MYBPHL: variants seen among roughly 807,000 people sequenced by gnomAD.
MYBPHL encodes myosin binding protein H like, also known as myosin-binding protein H-like.
A neutral mutation model predicts 39.5 loss-of-function variants in MYBPHL; 32 were observed. The observed-to-expected ratio is 0.81, with a 90% CI of 0.61 to 1.09. The LOEUF (loss-of-function observed/expected upper bound fraction) is 1.09, where lower values mean the gene tolerates loss of function less well. MYBPHL is among the 50% of genes least tolerant of loss of function. MYBPHL has a pLI of 0.00. For missense variants in MYBPHL, 456 were observed against 460.2 expected, an observed-to-expected ratio of 0.99 and a Z score of 0.08; for synonymous variants, 196 against 183.7, an observed-to-expected ratio of 1.07 and a Z score of -0.54.
chr1:109,296,584 G>A (rs571597899), intron 5 of MYBPHL, among the ~76,000 whole-genome samples, 199 bp downstream of exon 5: 5 of 152,058 alleles, frequency 3.3e-5, no homozygotes, highest in South Asian at 2.1e-4. Context: ...GAGTACAGGC[G>A]TGCACCACCA....
chr1:109,301,747 G>GA (rs57771400), intron 1 of MYBPHL, among the ~76,000 whole-genome samples: 58 of 138,466 alleles, frequency 4.2e-4, no homozygotes, highest in South Asian at 2.9e-3. Flanking sequence ...ATCTCAAAAA[G>GA]AAAAAAAAAA....
intron 8 of MYBPHL, 130 bp from the exon 9 acceptor site, chr1:109,292,718 T>C (rs573606059): frequency 1.3e-5 from 2 of 152,384 alleles, no homozygotes; most frequent in South Asian, 2.1e-4. Context: ...TCTGTACTTG[T>C]AACGCACCCC....
chr1:109,299,821 T>TG (rs1249121842), intron 1 of MYBPHL, among the ~76,000 whole-genome samples: 3 of 152,170 alleles, frequency 2.0e-5, no homozygotes, highest in African/African-American at 7.2e-5. Flanking sequence ...GACCCTGCTG[T>TG]GGCTGCCCTC....
At chr1:109,305,288 C>T (rs1227066874) in intron 1 of MYBPHL, among the ~76,000 whole-genome samples, 5 of 152,170 alleles carry the variant, frequency 3.3e-5, no homozygotes, top group Non-Finnish European at 5.9e-5. Flanking sequence ...TTCTTTGTTC[C>T]AAGTAGTTAA....
At position 109,297,630 on chromosome 1, in the gene MYBPHL, G is replaced by A. The variant is rs1272090488; in HGVS notation, c.235-13C>T. The A allele has an allele frequency of 1.2e-6, 2 of 1,609,798 alleles. No homozygotes were observed. The highest frequency in any genetic ancestry group is 1.7e-6 in the Non-Finnish European group (2 of 1,177,902). On this transcript the variant is annotated splice_polypyrimidine_tract_variant and intron_variant, in intron 2 of 8. Transcript: ENST00000357155. ...GTTTGGGCTTGCCCTGAGGAATGAG[G>A]GTAATGCTTTGAGCAGCCCCGAGAG...
chr1:109,304,370 A>G (rs544286872), intron 1 of MYBPHL, among the ~76,000 whole-genome samples: 10 of 152,232 alleles, frequency 6.6e-5, no homozygotes, highest in Admixed American at 4.6e-4. Flanking sequence ...TGCCTGGAAG[A>G]CACAGAACAG....
Position 109,296,951 on chromosome 1 carries a change from C to A in MYBPHL, c.571-9G>T, listed in dbSNP as rs934187788. ...AGCACCGTGAACCACAGCTGCGGGG[C>A]CGAACATGATGCCAGAAATCAGCCA... On this transcript the variant is annotated splice_polypyrimidine_tract_variant and intron_variant, in intron 4 of 8. Coordinates refer to ENST00000357155, the MANE Select transcript of MYBPHL (RefSeq NM_001010985.3). 1.9e-6 allele frequency: 3 copies of A among 1,614,036 alleles called. No individual in the cohort carries two copies. Among genetic ancestry groups the A allele is most frequent in the Admixed American group, 1.7e-5 (1 of 60,012 alleles).
rs867330538 is a variant in MYBPHL, at chr1:109,295,520, C to A, written c.868-223G>T. ...AGCACCTGAAACTTCATTTTCTTTA[C>A]CAATATTTCTGACTGGAAGAAAACT... On this transcript the variant is annotated intron_variant, in intron 6 of 8. Transcript: ENST00000357155. Among the ~76,000 whole-genome samples the A allele has an allele frequency of 2.0e-5, 3 of 152,188 alleles. No homozygotes were observed. The East Asian group carries it at 5.8e-4, about 29-fold the overall frequency.
rs112896828 is a variant in MYBPHL at position 109,301,305 on chromosome 1, T to C, written c.146-3048A>G. On this transcript the variant is annotated intron_variant, in intron 1 of 8. Transcript: ENST00000357155. ...GAGCAGGTCTGTGAGAGTCACAGTT[T>C]GGTTTTCTCCCTTCATGGGGTCTTA... Among the ~76,000 whole-genome samples, 769 of 152,332 alleles carry C rather than the reference T, an allele frequency of 5.0e-3. 10 individuals are homozygous for C. The highest frequency in any genetic ancestry group is 0.018 in the African/African-American group (739 of 41,582).
chr1:109,294,698 A>T (rs915144889), intron 7 of MYBPHL, among the ~76,000 whole-genome samples: 1 of 152,214 alleles, frequency 6.6e-6, no homozygotes, highest in Middle Eastern at 3.2e-3. Context: ...AGTGAAATAA[A>T]GCCTGACAAA....
intron 6 of MYBPHL, among the ~76,000 whole-genome samples, chr1:109,295,560 C>T (rs1057484227): frequency 3.3e-5 from 5 of 152,200 alleles, no homozygotes; most frequent in African/African-American, 7.2e-5. Flanking sequence ...ACTTCCGTTC[C>T]GGGCTCTCAG....
intron 6 of MYBPHL, 37 bp from the exon 7 acceptor site, chr1:109,295,334 C>T (rs765469856): frequency 2.0e-5 from 31 of 1,587,094 alleles, no homozygotes; most frequent in East Asian, 4.5e-5. Flanking sequence ...CAAGGAGGGG[C>T]GAGGGTAAGA....
chr1:109,293,142 T>TCA (rs2101462586), intron 8 of MYBPHL: 1 of 152,224 alleles, frequency 6.6e-6, no homozygotes, highest in South Asian at 2.1e-4. Context: ...TCCTGAGGCG[T>TCA]TTACTCAGTC....
chr1:109,306,264 C>T (rs919019588), intron 1 of MYBPHL, among the ~76,000 whole-genome samples: 11 of 152,274 alleles, frequency 7.2e-5, no homozygotes, highest in African/African-American at 2.6e-4. Flanking sequence ...CAGAGACCAT[C>T]GTGAAGGGGA....
chr1:109,303,731 A>G (rs893170175), intron 1 of MYBPHL, among the ~76,000 whole-genome samples: 2 of 152,036 alleles, frequency 1.3e-5, no homozygotes, highest in African/African-American at 4.8e-5. Flanking sequence ...TAAAATCTAC[A>G]CTTGGTCCTG....
In MYBPHL at chr1:109,297,749, T is replaced by C. The variant is rs892985669; in HGVS notation, c.235-132A>G. 1.4e-5 allele frequency: 11 copies of C among 787,312 alleles called. No homozygotes were observed. The African/African-American group carries it at 1.9e-4, about 14-fold the overall frequency. The allele number at this position is 787,312 out of a possible 1,614,324, so 48.8% of individuals were successfully genotyped here. A position where few individuals can be genotyped will look rare whatever the true frequency, so the allele number is the denominator to read the frequency against. Reference sequence around the variant, plus strand: ...AGCTGCACATTCCTTGAGTTAGAAGTTGGTGGACCCTCCCGGGGGCCTCCT... The same window carrying C: ...AGCTGCACATTCCTTGAGTTAGAAGCTGGTGGACCCTCCCGGGGGCCTCCT... On this transcript the variant is annotated intron_variant, in intron 2 of 8. Coordinates refer to ENST00000357155, the MANE Select transcript of MYBPHL (RefSeq NM_001010985.3).
rs536262185 is a variant in MYBPHL, at chr1:109,297,473, C to G, written c.379G>C (p.Val127Leu). Residue 127 changes from valine (V) to leucine (L), a missense_variant, in exon 3 of 9, where the codon GTG becomes CTG. Transcript: ENST00000357155. ...RADSGRYQLR[V>L]QLGGLEATAT... ...GTGGCCTCCAGCCCACCCAGCTGCA[C>G]GCGGAGTTGGTAGCGACCTGAGTCA... 6.2e-7 allele frequency: 1 copy of G among 1,613,360 alleles called. No individual in the cohort carries two copies. Among genetic ancestry groups the G allele is most frequent in the Non-Finnish European group, 8.5e-7 (1 of 1,179,990 alleles).
intron 3 of MYBPHL, 54 bp downstream of exon 3, chr1:109,297,368 G>T: frequency 1.3e-6 from 2 of 1,577,600 alleles, no homozygotes; most frequent in Non-Finnish European, 1.7e-6. Context: ...CTCCTCTTCA[G>T]CCTGGAGAGG....
chr1:109,304,128 AT>A (rs1658381211), intron 1 of MYBPHL, among the ~76,000 whole-genome samples: 1 of 152,166 alleles, frequency 6.6e-6, no homozygotes, highest in African/African-American at 2.4e-5. Context: ...CATCTGACAT[AT>A]TAGATACTTT....
Sources: gnomAD v4.1 joint callset for allele counts (sites outside exome capture counted in the v4.1 genomes callset) on GRCh38, gnomAD v4.1.1 for gene constraint, MANE v1.5 for transcripts, NCBI Gene and HGNC (gene_info 2026-07-23, HGNC 2026-07-21) for gene names.